Variants in NEDD9 observed in about 807,000 individuals in gnomAD.
NEDD9 encodes the protein enhancer of filamentation 1.
Under a neutral mutation model 76.6 loss-of-function variants are expected in NEDD9, and 26 were observed. That is an observed-to-expected ratio of 0.34 (90% CI 0.25 to 0.47). NEDD9 has a LOEUF of 0.47. Ranked by LOEUF, NEDD9 falls within the 20% of genes least tolerant of loss-of-function variation. The probability of loss-of-function intolerance (pLI) is 1.00; values close to 1 mark genes in which losing one functional copy is unlikely to be tolerated. For missense variants in NEDD9, 937 were observed against 1,058.5 expected (o/e 0.89, Z 1.59); for synonymous variants, 392 against 414.2 (o/e 0.95, Z 0.65).
chr6:11,313,036 C>G (rs1761422805), intron 2 of NEDD9, among the ~76,000 whole-genome samples: 1 of 151,810 alleles, frequency 6.6e-6, no homozygotes, highest in South Asian at 2.1e-4. Flanking sequence ...GTGCAGGACC[C>G]CTAGGACTTA....
At chr6:11,232,378 C>T (rs924483518) in intron 1 of NEDD9, 126 bp downstream of exon 1, 6 of 1,206,502 alleles carry the variant, frequency 5.0e-6, no homozygotes, top group Middle Eastern at 3.9e-4. Context: ...CCTCAGTGAC[C>T]GAGACTCATC....
At chr6:11,214,733 C>A (rs1161642971) in intron 1 of NEDD9, among the ~76,000 whole-genome samples, 1 of 152,214 alleles carries the variant, frequency 6.6e-6, no homozygotes, top group African/African-American at 2.4e-5. Flanking sequence ...CGCATGTCTG[C>A]CCCCTTCCCA....
intron 3 of NEDD9, among the ~76,000 whole-genome samples, chr6:11,298,519 A>T (rs1403423492): frequency 6.6e-6 from 1 of 152,212 alleles, no homozygotes; most frequent in Non-Finnish European, 1.5e-5. Context: ...ACTAATGTTA[A>T]TTGCAGAGTT....
intron 2 of NEDD9, among the ~76,000 whole-genome samples, chr6:11,194,258 T>C (rs1345966382): frequency 6.6e-6 from 1 of 152,180 alleles, no homozygotes; most frequent in Non-Finnish European, 1.5e-5. Flanking sequence ...GTTCATCAGA[T>C]AGAGTTGATG....
exon 3 of NEDD9, chr6:11,306,081 G>A (rs1189645186): frequency 7.1e-6 from 11 of 1,540,236 alleles, no homozygotes; most frequent in African/African-American, 2.7e-5. Context: ...CAGTTTCTTC[G>A]TTTTCATAAC....
intron 1 of NEDD9, among the ~76,000 whole-genome samples, chr6:11,340,537 T>C (rs1222517827): frequency 6.6e-6 from 1 of 152,192 alleles, no homozygotes; most frequent in Non-Finnish European, 1.5e-5. Context: ...ATTTCCATTG[T>C]ATAGAAATAA....
chr6:11,253,137 A>G (rs887577914), intron 3 of NEDD9, among the ~76,000 whole-genome samples: 4 of 152,230 alleles, frequency 2.6e-5, no homozygotes, highest in African/African-American at 7.2e-5. Flanking sequence ...GGTACGGTCA[A>G]AAGAAAACGC....
At chr6:11,257,095 C>G (rs1173361813) in intron 3 of NEDD9, among the ~76,000 whole-genome samples, 1 of 152,158 alleles carries the variant, frequency 6.6e-6, no homozygotes, top group Non-Finnish European at 1.5e-5. Context: ...GGTCCCAGAC[C>G]AATACTCTTC....
At position 11,262,217 on chromosome 6, in the gene NEDD9, C is replaced by T. The variant is rs1023569104; in HGVS notation, c.12+43775G>A. On this transcript the variant is annotated intron_variant, in intron 3 of 3. Transcript: ENST00000397378. Reference sequence around the variant, plus strand: ...GGTACAAAAGCTCTAGCTCTCAGATCGCCAGGGAAGCAGAGGAGGAAATTA... The same window carrying T: ...GGTACAAAAGCTCTAGCTCTCAGATTGCCAGGGAAGCAGAGGAGGAAATTA... 6.6e-5 allele frequency among the ~76,000 whole-genome samples: 10 copies of T among 152,114 alleles called. No individual in the cohort carries two copies. In the East Asian group the frequency reaches 7.7e-4, roughly 12 times the overall value.
intron 2 of NEDD9, among the ~76,000 whole-genome samples, chr6:11,310,811 C>T (rs886069698): frequency 1.3e-5 from 2 of 152,194 alleles, no homozygotes; most frequent in Non-Finnish European, 2.9e-5. Context: ...AGTAGGCAGT[C>T]TCCCCACCTG....
chr6:11,208,711 A>T (rs1338087510), intron 2 of NEDD9, among the ~76,000 whole-genome samples: 1 of 152,238 alleles, frequency 6.6e-6, no homozygotes, highest in East Asian at 1.9e-4. Context: ...AAATAGTTCC[A>T]GCAGTTAGAA....
At chr6:11,248,614 G>T (rs781442983) in intron 3 of NEDD9, among the ~76,000 whole-genome samples, 1 of 152,194 alleles carries the variant, frequency 6.6e-6, no homozygotes, top group Non-Finnish European at 1.5e-5. Flanking sequence ...GGCTGCTCAG[G>T]GTCCTGGCTT....
Position 11,198,696 on chromosome 6 carries a change from C to A in NEDD9, c.460-5004G>T, listed in dbSNP as rs564434860. 6.6e-6 allele frequency: 1 copy of A among 152,310 alleles called. No individual in the cohort carries two copies. Among genetic ancestry groups the A allele is most frequent in the Admixed American group, 6.5e-5 (1 of 15,302 alleles). 9.4% of individuals were successfully genotyped at this position (152,310 alleles called of 1,614,324 possible). A position where few individuals can be genotyped will look rare whatever the true frequency, so the allele number is the denominator to read the frequency against. ...TAAATATAAACCACAGGGCCTAGTA[C>A]AGTGCCTAGCAGAGTAGGTCTTGCA... On this transcript the variant is annotated intron_variant, in intron 2 of 6. Coordinates refer to ENST00000379446, the MANE Select transcript of NEDD9 (RefSeq NM_006403.4). This position sits in a 1 kb window ranked among gnomAD's most constrained non-coding sequence, Gnocchi z 4.7.
intron 3 of NEDD9, among the ~76,000 whole-genome samples, chr6:11,297,909 T>C (rs1760938380): frequency 9.9e-6 from 1 of 101,486 alleles, no homozygotes; most frequent in African/African-American, 4.6e-5. Context: ...TTTTTTTCTT[T>C]TCTTTTTTTT....
At chr6:11,302,426 C>T (rs61442547) in intron 3 of NEDD9, among the ~76,000 whole-genome samples, 2,402 of 152,286 alleles carry the variant, frequency 0.016, 69 homozygotes, top group African/African-American at 0.055. Context: ...CAGCTGAATT[C>T]TACCAGAGGT....
Position 11,189,953 on chromosome 6 carries a change from C to T in NEDD9, c.1905+11G>A, listed in dbSNP as rs374325264. The T allele has an allele frequency of 1.4e-4, 206 of 1,512,236 alleles. 4 individuals carry two copies. In the Middle Eastern group the frequency reaches 2.1e-3, roughly 16 times the overall value. 93.7% of individuals were successfully genotyped at this position (1,512,236 alleles called of 1,614,324 possible). A position where few individuals can be genotyped will look rare whatever the true frequency, so the allele number is the denominator to read the frequency against. ...GTGAGTGTAGGTGTTTTATGAGTTC[C>T]GCTGTTTTACCTGTAGGTGGACGTA... On this transcript the variant is annotated intron_variant, in intron 5 of 6. Transcript: ENST00000379446.
chr6:11,328,330 G>A (rs551296102), intron 2 of NEDD9, among the ~76,000 whole-genome samples: 1 of 152,278 alleles, frequency 6.6e-6, no homozygotes, highest in South Asian at 2.1e-4. Flanking sequence ...TACAAGAATG[G>A]GCTTTACATT....
chr6:11,233,463 G>A (rs147822274), upstream of NEDD9: 133 of 518,758 alleles, frequency 2.6e-4, no homozygotes, highest in African/African-American at 1.9e-3. Context: ...CATCATCACC[G>A]TCCACTGAGT....
At chr6:11,193,781 C>T in intron 2 of NEDD9, 89 bp from the exon 3 acceptor site, 1 of 763,498 alleles carries the variant, frequency 1.3e-6, no homozygotes, top group Non-Finnish European at 2.2e-6. Context: ...TCCCTCAACT[C>T]TCCCTCATAA....
Sources: allele counts gnomAD v4.1 joint callset (sites outside exome capture counted in the v4.1 genomes callset), GRCh38; gene constraint gnomAD v4.1.1; non-coding constraint Gnocchi (gnomAD v3.1); transcripts MANE v1.5; gene names NCBI Gene and HGNC (gene_info 2026-07-23, HGNC 2026-07-21).